CSMD1: variants seen among roughly 807,000 people sequenced by gnomAD.
The protein encoded by CSMD1 is CUB and sushi domain-containing protein 1.
In CSMD1, 213 loss-of-function variants were observed where a neutral mutation model predicts 417.5. The ratio of observed to expected loss-of-function variants is 0.51; its 90% CI spans 0.46 to 0.57. The LOEUF is 0.57. Among genes scored for constraint, CSMD1 ranks in the 20% least tolerant of loss-of-function variants. CSMD1 has a pLI of 0.00. For missense variants in CSMD1, 6,923 were observed against 4,529.7 expected (o/e 1.53, Z -15.17); for synonymous variants, 2,862 against 1,736.8 (o/e 1.65, Z -16.11).
chr8:3,330,313 G>C (rs1487717452), intron 23 of CSMD1, among the ~76,000 whole-genome samples: 1 of 152,166 alleles, frequency 6.6e-6, no homozygotes, highest in Non-Finnish European at 1.5e-5. Flanking sequence ...CGATGCAGCA[G>C]TATTCACAAT....
At chr8:3,982,710 G>A (rs1270096968) in intron 5 of CSMD1, among the ~76,000 whole-genome samples, 1 of 152,110 alleles carries the variant, frequency 6.6e-6, no homozygotes. Context: ...TCAGGAGGCA[G>A]AGGGAAGCAC....
chr8:3,939,421 A>C (rs1810725664), intron 5 of CSMD1, among the ~76,000 whole-genome samples: 1 of 152,172 alleles, frequency 6.6e-6, no homozygotes, highest in Non-Finnish European at 1.5e-5. Flanking sequence ...GTGTGTATAA[A>C]CTACTACAAC....
chr8:4,684,797 G>C (rs1003106034), intron 1 of CSMD1, among the ~76,000 whole-genome samples: 1 of 152,072 alleles, frequency 6.6e-6, no homozygotes, highest in Non-Finnish European at 1.5e-5. Flanking sequence ...TTTAATTATT[G>C]AGAACAGTAA....
chr8:3,957,450 G>C (rs893981264), intron 5 of CSMD1, among the ~76,000 whole-genome samples: 20 of 152,146 alleles, frequency 1.3e-4, no homozygotes, highest in Non-Finnish European at 4.4e-5. Flanking sequence ...GGCCAAAGCA[G>C]GAGAAGCCCC....
intron 2 of CSMD1, among the ~76,000 whole-genome samples, chr8:4,454,980 G>C (rs1799381032): frequency 2.0e-5 from 3 of 152,168 alleles, no homozygotes; most frequent in Admixed American, 6.5e-5. Context: ...TGGGATGGCA[G>C]AGTTAGGAGA....
intron 1 of CSMD1, among the ~76,000 whole-genome samples, chr8:4,641,219 C>T (rs77448767): frequency 6.6e-6 from 1 of 151,836 alleles, no homozygotes; most frequent in African/African-American, 2.4e-5. Flanking sequence ...TTCAAACAAA[C>T]TTCCAAGAGA....
At chr8:3,363,927 G>A (rs185803604) in intron 20 of CSMD1, among the ~76,000 whole-genome samples, 87 of 152,196 alleles carry the variant, frequency 5.7e-4, no homozygotes, top group African/African-American at 2.0e-3. Flanking sequence ...ACTGGAATAC[G>A]GGGCTCTTTT....
chr8:3,839,645 T>C (rs1444748887), intron 5 of CSMD1, among the ~76,000 whole-genome samples: 1 of 141,166 alleles, frequency 7.1e-6, no homozygotes, highest in Non-Finnish European at 1.5e-5. Context: ...AGAGTGACAC[T>C]TCAACTCAGA....
chr8:3,356,466 G>C (rs1364427172), intron 21 of CSMD1, among the ~76,000 whole-genome samples: 1 of 152,174 alleles, frequency 6.6e-6, no homozygotes, highest in African/African-American at 2.4e-5. Context: ...CACATGGTCA[G>C]GAGTCCGAGA....
intron 20 of CSMD1, among the ~76,000 whole-genome samples, chr8:3,360,851 CTTCT>C (rs1809113379): frequency 6.9e-6 from 1 of 144,816 alleles, no homozygotes. Context: ...AAATCTGATC[CTTCT>C]TTTTTTTTTT....
intron 7 of CSMD1, among the ~76,000 whole-genome samples, chr8:3,644,442 T>G (rs1276660440): frequency 6.6e-6 from 1 of 151,982 alleles, no homozygotes; most frequent in Admixed American, 6.6e-5. Context: ...ATAGGCACGG[T>G]AGAAAGAAAA....
chr8:4,370,295 G>T (rs1583129), intron 3 of CSMD1, among the ~76,000 whole-genome samples: 1 of 152,032 alleles, frequency 6.6e-6, no homozygotes, highest in Non-Finnish European at 1.5e-5. Flanking sequence ...TGTAAGGTTT[G>T]TGCTGAAATG....
intron 5 of CSMD1, among the ~76,000 whole-genome samples, chr8:3,944,309 A>G (rs1523250): frequency 0.099 from 15,122 of 152,130 alleles, 1,038 homozygotes; most frequent in South Asian, 0.18. Flanking sequence ...GCCCCGGATA[A>G]TTAACTTTTG....
chr8:4,042,687 T>C lies in CSMD1; in HGVS notation c.416-10588A>G, dbSNP rs117147883. ...ATTAGCTGTTTAAAGCCAAATAATA[T>C]ATATTTTAGGTTTCTAACATATGTA... On this transcript the variant is annotated intron_variant, in intron 3 of 69. Transcript: ENST00000635120. 4.4e-3 allele frequency among the ~76,000 whole-genome samples: 662 copies of C among 151,660 alleles called. 3 individuals carry two copies. Among genetic ancestry groups the C allele is most frequent in the Non-Finnish European group, 7.3e-3 (499 of 67,932 alleles).
chr8:4,701,706 T>C (rs1183923888), intron 1 of CSMD1, among the ~76,000 whole-genome samples: 1 of 152,088 alleles, frequency 6.6e-6, no homozygotes, highest in African/African-American at 2.4e-5. Flanking sequence ...AGTAGAGTGG[T>C]GACAAATCAT....
chr8:4,361,182 C>G (rs1339338010), intron 3 of CSMD1, among the ~76,000 whole-genome samples: 3 of 152,070 alleles, frequency 2.0e-5, no homozygotes, highest in Non-Finnish European at 4.4e-5. Context: ...ACTTATTAAG[C>G]TGTGAGGCTT....
At chr8:3,249,145 G>A (rs769043703) in intron 26 of CSMD1, among the ~76,000 whole-genome samples, 1 of 152,096 alleles carries the variant, frequency 6.6e-6, no homozygotes, top group Non-Finnish European at 1.5e-5. Context: ...GTATTAAATA[G>A]TAACTATTAT....
chr8:4,412,335 T>C (rs932170667), intron 3 of CSMD1, among the ~76,000 whole-genome samples: 3 of 151,452 alleles, frequency 2.0e-5, no homozygotes, highest in African/African-American at 4.9e-5. Flanking sequence ...TTCACCAAAA[T>C]TGAACTGAAA....
chr8:3,162,325 T>G (rs368556981), intron 37 of CSMD1, 48 bp from the exon 38 acceptor site: 2 of 1,236,902 alleles, frequency 1.6e-6, no homozygotes, highest in Non-Finnish European at 1.2e-6. Flanking sequence ...GTAAACAATA[T>G]TCTTATCATT....
Sources: gnomAD v4.1 joint callset for allele counts (sites outside exome capture counted in the v4.1 genomes callset) on GRCh38, gnomAD v4.1.1 for gene constraint, MANE v1.5 for transcripts, NCBI Gene and HGNC (gene_info 2026-07-23, HGNC 2026-07-21) for gene names.